EML1: variants seen among roughly 807,000 people sequenced by gnomAD.
EML1 encodes echinoderm microtubule-associated protein-like 1.
In EML1, 27 loss-of-function variants were observed where a neutral mutation model predicts 110.4. The observed-to-expected ratio is 0.24, with a 90% CI of 0.18 to 0.34. The LOEUF is 0.34. Ranked by LOEUF, EML1 falls within the 10% of genes least tolerant of loss-of-function variation. EML1 has a pLI of 1.00. For synonymous variants in EML1, 344 were observed against 385.8 expected (o/e 0.89, Z 1.27); for missense variants, 741 against 1,030.9 (o/e 0.72, Z 3.85).
At chr14:99,854,741 C>T (rs757612210) in intron 2 of EML1, among the ~76,000 whole-genome samples, 10 of 152,158 alleles carry the variant, frequency 6.6e-5, no homozygotes, top group Admixed American at 1.3e-4. Context: ...GATAGAATGA[C>T]TTGGAATGTT....
chr14:99,772,022 G>C (rs887601155), upstream of EML1, among the ~76,000 whole-genome samples: 1 of 152,168 alleles, frequency 6.6e-6, no homozygotes, highest in African/African-American at 2.4e-5. Context: ...ATTGGTATGT[G>C]TCGATTGACC....
rs768385829 is a variant in EML1 at position 99,894,659 on chromosome 14, G to A, written c.578G>A (p.Gly193Glu). The A allele has an allele frequency of 3.1e-6, 5 of 1,612,700 alleles. No homozygotes were observed. Among genetic ancestry groups the A allele is most frequent in the Non-Finnish European group, 2.5e-6 (3 of 1,179,540 alleles). ...EEGYVKMFLR[G>E]RPVTMYMPKD... ...GGCTATGTAAAAATGTTTCTTCGTG[G>A]ACGCCCTGTTACCATGTACATGCCC... The change falls in exon 6 of 22, where the codon GGA becomes GAA. Residue 193 changes from glycine (G) to glutamate (E), a missense_variant. Transcript: ENST00000262233.
chr14:99,750,199 G>A (rs1234290988), intron 1 of EML1, among the ~76,000 whole-genome samples: 1 of 152,222 alleles, frequency 6.6e-6, no homozygotes, highest in Non-Finnish European at 1.5e-5. Context: ...TGCCCCGGAG[G>A]GAACAATTCA....
chr14:99,870,115 A>G (rs1025318283), intron 3 of EML1, among the ~76,000 whole-genome samples: 1 of 152,182 alleles, frequency 6.6e-6, no homozygotes, highest in African/African-American at 2.4e-5. Context: ...TCGAAGTGCT[A>G]CTCCAGTGAA....
chr14:99,853,466 C>T (rs1036380128), intron 2 of EML1, among the ~76,000 whole-genome samples: 3 of 151,832 alleles, frequency 2.0e-5, no homozygotes, highest in African/African-American at 7.3e-5. Context: ...AGGCAGCTGC[C>T]ACGTGGGCAC....
upstream of EML1, among the ~76,000 whole-genome samples, chr14:99,770,271 AG>A (rs1332251428): frequency 6.6e-6 from 1 of 152,166 alleles, no homozygotes; most frequent in Non-Finnish European, 1.5e-5. Flanking sequence ...GTGTCTGGGG[AG>A]GGCTGTCTTC....
chr14:99,924,179 T>TG (rs35400865), intron 17 of EML1, among the ~76,000 whole-genome samples: 51 of 134,864 alleles, frequency 3.8e-4, no homozygotes, highest in Non-Finnish European at 6.8e-4. Context: ...CCAAAATAAG[T>TG]GTTTTTTTTA....
upstream of EML1, among the ~76,000 whole-genome samples, chr14:99,771,030 C>T (rs1240662189): frequency 2.0e-5 from 3 of 152,088 alleles, no homozygotes; most frequent in South Asian, 2.1e-4. Context: ...GTGATCCGTC[C>T]GCCTCAGCCT....
intron 1 of EML1, among the ~76,000 whole-genome samples, chr14:99,811,492 G>A (rs2058078724): frequency 6.6e-6 from 1 of 151,656 alleles, no homozygotes; most frequent in Non-Finnish European, 1.5e-5. Context: ...CAGTGAGCTA[G>A]GGAAAGGAAA....
At chr14:99,828,308 G>A (rs8019086) in intron 1 of EML1, among the ~76,000 whole-genome samples, 40,918 of 152,052 alleles carry the variant, frequency 0.27, 6,849 homozygotes, top group South Asian at 0.49. Flanking sequence ...TGAGTGGCAG[G>A]ATGAAACCTT....
At chr14:99,890,360 T>G (rs187353344) in intron 4 of EML1, among the ~76,000 whole-genome samples, 9 of 152,318 alleles carry the variant, frequency 5.9e-5, no homozygotes, top group Admixed American at 4.6e-4. Flanking sequence ...TGAGCTCCCT[T>G]GGTCTCCCTG....
chr14:99,878,586 G>A lies in EML1; in HGVS notation c.485G>A (p.Ser162Asn). Residue 162 changes from serine (S) to asparagine (N), a missense_variant, in exon 4 of 22, where the codon AGC (serine) becomes AAC (asparagine). Physicochemically the swap from Ser to Asn is conservative, Grantham distance 46 (BLOSUM62 1). This residue lies in a region of EML1 where 226 missense variants were observed against 255.6 expected (regional missense o/e 0.88). Coordinates refer to ENST00000262233, the MANE Select transcript of EML1 (RefSeq NM_004434.3). Reference sequence around the variant, plus strand: ...AACCGGAATCGCACAGGCTCCACCAGCAGCTCTTCCAGTGGCAAAAAGAAC... The same window carrying A: ...AACCGGAATCGCACAGGCTCCACCAACAGCTCTTCCAGTGGCAAAAAGAAC... ...RGNRNRTGST[S>N]SSSSGKKNSE... 6.2e-7 allele frequency: 1 copy of A among 1,613,920 alleles called. No homozygotes were observed. The highest frequency in any genetic ancestry group is 1.1e-5 in the South Asian group (1 of 91,046).
chr14:99,803,299 G>A (rs1248764432), intron 1 of EML1, among the ~76,000 whole-genome samples: 2 of 152,164 alleles, frequency 1.3e-5, no homozygotes, highest in Non-Finnish European at 2.9e-5. Flanking sequence ...CACGCCCACC[G>A]CTTCCCTGTG....
chr14:99,863,621 C>G (rs1184277925), intron 2 of EML1, among the ~76,000 whole-genome samples: 1 of 152,206 alleles, frequency 6.6e-6, no homozygotes, highest in Non-Finnish European at 1.5e-5. Flanking sequence ...GCCTCTCAGA[C>G]TTGCTGCTTT....
intron 8 of EML1, chr14:99,899,380 A>G (rs2059723902): frequency 6.6e-6 from 1 of 151,830 alleles, no homozygotes; most frequent in African/African-American, 2.4e-5. Flanking sequence ...CAGTGGCACA[A>G]TCACGGGTCA....
rs776210995 is a variant in EML1 at position 99,878,632 on chromosome 14, T to C, written c.518+13T>C. 6.2e-7 allele frequency: 1 copy of C among 1,610,840 alleles called. No individual in the cohort carries two copies. Among genetic ancestry groups the C allele is most frequent in the Admixed American group, 1.7e-5 (1 of 59,490 alleles). ...AGAACAGTGAAAGGTAAGGACGTCT[T>C]ATCTCTCAGTTCCTGCTGTTCAGAT... On this transcript the variant is annotated intron_variant, in intron 4 of 21. Transcript: ENST00000262233.
At chr14:99,877,877 G>A (rs1023886920) in intron 3 of EML1, among the ~76,000 whole-genome samples, 2 of 152,134 alleles carry the variant, frequency 1.3e-5, no homozygotes, top group Admixed American at 6.5e-5. Context: ...GGCAACAGAA[G>A]GATGTCGCCA....
In EML1 at chr14:99,781,871, G is replaced by A. The variant is rs2057543690; in HGVS notation, c.-27+7858G>A. Among the ~76,000 whole-genome samples, 1 of 152,180 alleles carries A rather than the reference G, an allele frequency of 6.6e-6. No homozygotes were observed. The highest frequency in any genetic ancestry group is 1.5e-5 in the Non-Finnish European group (1 of 68,038). On this transcript the variant is annotated intron_variant, in intron 1 of 22. Transcript: ENST00000327921. This position sits in a 1 kb window ranked among gnomAD's most constrained non-coding sequence, Gnocchi z 4.2. ...CTCATCTCCCAGACTCCTTGAGGCTGGAGGTATGCTCCCCCGCTTTTGACT... is the reference window on the plus strand; with the variant it reads ...CTCATCTCCCAGACTCCTTGAGGCTAGAGGTATGCTCCCCCGCTTTTGACT...
intron 1 of EML1, among the ~76,000 whole-genome samples, chr14:99,765,366 T>C (rs11160545): frequency 0.66 from 100,939 of 151,902 alleles, 33,831 homozygotes; most frequent in South Asian, 0.82. Flanking sequence ...CTGTGCCCAC[T>C]GAACAATAAC....
Sources: gnomAD v4.1 joint callset for allele counts (sites outside exome capture counted in the v4.1 genomes callset) on GRCh38, gnomAD v4.1.1 for gene constraint, gnomAD v4.1.1 regional missense constraint, Gnocchi (gnomAD v3.1) non-coding constraint, MANE v1.5 for transcripts, NCBI Gene and HGNC (gene_info 2026-07-23, HGNC 2026-07-21) for gene names.